The following FSIP1 variants were observed in gnomAD, a reference collection of about 807,000 sequenced individuals.
FSIP1 encodes fibrous sheath interacting protein 1, also known as fibrous sheath-interacting protein 1.
Under a neutral mutation model 60.9 loss-of-function variants are expected in FSIP1, and 65 were observed. The ratio of observed to expected loss-of-function variants is 1.07; its 90% CI spans 0.87 to 1.31. The LOEUF (loss-of-function observed/expected upper bound fraction) is 1.31. FSIP1 is among the 40% of genes most tolerant of loss of function. The probability of loss-of-function intolerance (pLI) is 0.00; values close to 1 mark genes in which losing one functional copy is unlikely to be tolerated. For synonymous variants in FSIP1, 209 were observed against 221.2 expected (o/e 0.94, Z 0.49); for missense variants, 675 against 665.5 (o/e 1.01, Z -0.16).
At chr15:39,697,972 T>C (rs754711288) in intron 10 of FSIP1, among the ~76,000 whole-genome samples, 10 of 151,782 alleles carry the variant, frequency 6.6e-5, no homozygotes, top group Non-Finnish European at 1.3e-4. Context: ...CCTAGAAAAT[T>C]AGAATGTTGG....
intron 10 of FSIP1, among the ~76,000 whole-genome samples, chr15:39,657,957 A>G (rs34878675): frequency 0.16 from 24,468 of 152,208 alleles, 2,181 homozygotes; most frequent in African/African-American, 0.2. Context: ...AGAACAGCAT[A>G]TATAGTAGGG....
At chr15:39,633,650 T>A (rs1484034555) in intron 10 of FSIP1, among the ~76,000 whole-genome samples, 1 of 152,230 alleles carries the variant, frequency 6.6e-6, no homozygotes, top group Non-Finnish European at 1.5e-5. Context: ...TTAGACGTAG[T>A]TAATTGAATA....
At chr15:39,692,351 C>A (rs2140506728) in intron 10 of FSIP1, among the ~76,000 whole-genome samples, 1 of 152,340 alleles carries the variant, frequency 6.6e-6, no homozygotes, top group African/African-American at 2.4e-5. Context: ...AATTATGTTT[C>A]TACAAATTGT....
chr15:39,745,629 C>G (rs1896967151), intron 5 of FSIP1, among the ~76,000 whole-genome samples: 1 of 152,186 alleles, frequency 6.6e-6, no homozygotes, highest in African/African-American at 2.4e-5. Context: ...CAGACACACC[C>G]ACACTCACTC....
At chr15:39,755,227 G>A (rs1461743863) in intron 5 of FSIP1, among the ~76,000 whole-genome samples, 1 of 151,912 alleles carries the variant, frequency 6.6e-6, no homozygotes, top group African/African-American at 2.4e-5. Context: ...ATGGAATGAC[G>A]AACAAACCAA....
rs1890592916 is a variant in FSIP1, at chr15:39,600,265, A to G, written c.*615T>C. ...TTATTTGATGCAATCTAAAAGGCCC[A>G]AACTCTGAAAGAAAATAAGAAACTA... On this transcript the variant is annotated 3_prime_UTR_variant, in exon 12 of 12. Transcript: ENST00000350221. The G allele has an allele frequency of 6.6e-6, 1 of 152,278 alleles. No homozygotes were observed. The highest frequency in any genetic ancestry group is 2.1e-4 in the South Asian group (1 of 4,838). 9.4% of individuals were successfully genotyped at this position (152,278 alleles called of 1,614,324 possible). A position where few individuals can be genotyped will look rare whatever the true frequency, so the allele number is the denominator to read the frequency against.
intron 10 of FSIP1, among the ~76,000 whole-genome samples, chr15:39,675,716 T>C (rs1893910452): frequency 6.6e-6 from 1 of 152,172 alleles, no homozygotes; most frequent in Admixed American, 6.5e-5. Context: ...AAACTGATCT[T>C]AAAAGTACAA....
intron 2 of FSIP1, among the ~76,000 whole-genome samples, chr15:39,774,483 A>AG: frequency 6.6e-6 from 1 of 152,152 alleles, no homozygotes; most frequent in East Asian, 1.9e-4. Flanking sequence ...TCAAAAAAAA[A>AG]AAAAAATACA....
intron 9 of FSIP1, among the ~76,000 whole-genome samples, chr15:39,718,263 C>CACAT (rs1895822148): frequency 6.6e-6 from 1 of 151,610 alleles, no homozygotes; most frequent in African/African-American, 2.4e-5. Context: ...CACACACACA[C>CACAT]ATATATATAC....
intron 10 of FSIP1, among the ~76,000 whole-genome samples, chr15:39,628,653 A>ACT (rs745474286): frequency 6.6e-6 from 1 of 151,746 alleles, no homozygotes; most frequent in Non-Finnish European, 1.5e-5. Flanking sequence ...CAGCTTGCAA[A>ACT]CTCTCTCTCT....
intron 10 of FSIP1, among the ~76,000 whole-genome samples, chr15:39,657,980 G>A (rs1893137730): frequency 6.6e-6 from 1 of 152,074 alleles, no homozygotes; most frequent in African/African-American, 2.4e-5. Flanking sequence ...TGTGATGGAT[G>A]GCCAATACAA....
intron 10 of FSIP1, among the ~76,000 whole-genome samples, chr15:39,663,175 T>C (rs1893366472): frequency 6.6e-6 from 1 of 152,114 alleles, no homozygotes; most frequent in Non-Finnish European, 1.5e-5. Flanking sequence ...AAATACCATA[T>C]AATAGTGACA....
At chr15:39,738,564 A>G (rs528839180) in intron 7 of FSIP1, among the ~76,000 whole-genome samples, 1 of 152,356 alleles carries the variant, frequency 6.6e-6, no homozygotes, top group Admixed American at 6.5e-5. Context: ...TGGGGTACTT[A>G]TCCACTAAAT....
chr15:39,754,157 T>C (rs1437593883), intron 5 of FSIP1, among the ~76,000 whole-genome samples: 1 of 152,034 alleles, frequency 6.6e-6, no homozygotes, highest in Non-Finnish European at 1.5e-5. Flanking sequence ...ATGGAGGGGT[T>C]TGCGTAGTAA....
chr15:39,660,376 A>G (rs1893251245), intron 10 of FSIP1, among the ~76,000 whole-genome samples: 1 of 152,246 alleles, frequency 6.6e-6, no homozygotes, highest in African/African-American at 2.4e-5. Flanking sequence ...AGGCTCAAGA[A>G]AGGTTAGCTG....
At chr15:39,751,418 AACACAC>A (rs3065153) in intron 5 of FSIP1, among the ~76,000 whole-genome samples, 2,076 of 144,548 alleles carry the variant, frequency 0.014, 24 homozygotes, top group East Asian at 0.038. Context: ...GTAATACATA[AACACAC>A]ACACACACAC....
intron 5 of FSIP1, among the ~76,000 whole-genome samples, chr15:39,743,301 C>T (rs915130027): frequency 7.9e-5 from 12 of 152,184 alleles, no homozygotes; most frequent in Non-Finnish European, 2.9e-5. Flanking sequence ...CTTTGCCCAT[C>T]TTCCCAGTGG....
intron 10 of FSIP1, among the ~76,000 whole-genome samples, chr15:39,705,293 A>G (rs1335946959): frequency 6.6e-6 from 1 of 152,192 alleles, no homozygotes; most frequent in East Asian, 1.9e-4. Context: ...TTTTTACCTA[A>G]CCCTAGAAGT....
At chr15:39,721,590 A>G (rs1895983654) in intron 9 of FSIP1, among the ~76,000 whole-genome samples, 1 of 152,230 alleles carries the variant, frequency 6.6e-6, no homozygotes, top group South Asian at 2.1e-4. Flanking sequence ...CAACCACTAC[A>G]GTGTCTCCTA....
Sources: gnomAD v4.1 joint callset for allele counts (sites outside exome capture counted in the v4.1 genomes callset) on GRCh38, gnomAD v4.1.1 for gene constraint, MANE v1.5 for transcripts, NCBI Gene and HGNC (gene_info 2026-07-23, HGNC 2026-07-21) for gene names.